The following PDE11A variants were observed in gnomAD, a reference collection of about 807,000 sequenced individuals.
The protein encoded by PDE11A is dual 3',5'-cyclic-AMP and -GMP phosphodiesterase 11A.
In PDE11A, 100 loss-of-function variants were observed where a neutral mutation model predicts 100.5. That is an observed-to-expected ratio of 1.00 (90% CI 0.85 to 1.18). The LOEUF (loss-of-function observed/expected upper bound fraction) is 1.18. Among genes scored for constraint, PDE11A ranks in the 50% most tolerant of loss-of-function variants. PDE11A has a pLI of 0.00. For synonymous variants in PDE11A, 381 were observed against 420.8 expected, an observed-to-expected ratio of 0.91 and a Z score of 1.16; for missense variants, 1,141 against 1,152.6, an observed-to-expected ratio of 0.99 and a Z score of 0.15.
chr2:177,845,414 C>T (rs2083574050), intron 5 of PDE11A, among the ~76,000 whole-genome samples: 1 of 150,700 alleles, frequency 6.6e-6, no homozygotes, highest in Non-Finnish European at 1.5e-5. Flanking sequence ...CAGAGGCGCT[C>T]CCCACATCTC....
At chr2:177,871,905 C>A (rs1481958987) in intron 5 of PDE11A, among the ~76,000 whole-genome samples, 1 of 152,110 alleles carries the variant, frequency 6.6e-6, no homozygotes, top group Non-Finnish European at 1.5e-5. Flanking sequence ...TCAAGGATGG[C>A]TTTTACAAGG....
intron 1 of PDE11A, among the ~76,000 whole-genome samples, chr2:178,052,381 T>TA (rs1384280053): frequency 6.6e-6 from 1 of 152,202 alleles, no homozygotes; most frequent in African/African-American, 2.4e-5. Context: ...GAGGGAAATT[T>TA]ATAGCACTAA....
chr2:177,923,447 C>T (rs1008621397), intron 2 of PDE11A, among the ~76,000 whole-genome samples: 3 of 152,128 alleles, frequency 2.0e-5, no homozygotes, highest in Non-Finnish European at 4.4e-5. Flanking sequence ...TGAATAAGAC[C>T]TTGAATGAGG....
At chr2:178,074,163 T>C (rs2087174665), upstream of PDE11A, among the ~76,000 whole-genome samples, 1 of 152,040 alleles carries the variant, frequency 6.6e-6, no homozygotes. Flanking sequence ...GTAAGAAATG[T>C]CCAGAATAGG....
At chr2:177,880,631 G>T (rs1198600636) in intron 4 of PDE11A, among the ~76,000 whole-genome samples, 1 of 152,084 alleles carries the variant, frequency 6.6e-6, no homozygotes, top group Non-Finnish European at 1.5e-5. Context: ...CATGGTCTTG[G>T]GAACTCCAAA....
intron 15 of PDE11A, among the ~76,000 whole-genome samples, chr2:177,689,008 GA>G (rs774929887): frequency 2.0e-5 from 3 of 152,166 alleles, no homozygotes; most frequent in Non-Finnish European, 2.9e-5. Context: ...TGAATCTACT[GA>G]AAGTCCATAA....
chr2:177,786,230 T>C (rs1196829441), intron 9 of PDE11A, among the ~76,000 whole-genome samples: 1 of 152,140 alleles, frequency 6.6e-6, no homozygotes, highest in African/African-American at 2.4e-5. Flanking sequence ...TCGCGGTTCA[T>C]GAAAATCCGC....
At chr2:178,043,430 C>G (rs747320091) in intron 1 of PDE11A, among the ~76,000 whole-genome samples, 26 of 152,152 alleles carry the variant, frequency 1.7e-4, no homozygotes, top group Non-Finnish European at 8.8e-5. Context: ...ACAACATAAT[C>G]TGGTTTTGCA....
intron 1 of PDE11A, among the ~76,000 whole-genome samples, chr2:178,058,200 C>T (rs1288721435): frequency 6.6e-6 from 1 of 152,196 alleles, no homozygotes; most frequent in Non-Finnish European, 1.5e-5. Context: ...CTAATCTGAC[C>T]TTGTAACCCA....
intron 9 of PDE11A, among the ~76,000 whole-genome samples, chr2:177,779,595 C>T (rs2082424502): frequency 6.6e-6 from 1 of 152,226 alleles, no homozygotes; most frequent in Non-Finnish European, 1.5e-5. Flanking sequence ...AAACCACTTT[C>T]TTTGTTCATT....
chr2:177,885,964 G>T (rs1042949703), intron 4 of PDE11A, among the ~76,000 whole-genome samples: 2 of 152,152 alleles, frequency 1.3e-5, no homozygotes, highest in Non-Finnish European at 2.9e-5. Context: ...CAACGAAATA[G>T]CTGCCAGCCA....
chr2:177,680,420 G>A (rs982645854), intron 16 of PDE11A, among the ~76,000 whole-genome samples: 6 of 152,060 alleles, frequency 3.9e-5, no homozygotes, highest in African/African-American at 1.4e-4. Flanking sequence ...GTTCTGACTG[G>A]TTTTCTATCC....
chr2:178,005,332 A>G (rs2086194299), intron 2 of PDE11A, among the ~76,000 whole-genome samples: 1 of 152,080 alleles, frequency 6.6e-6, no homozygotes, highest in Non-Finnish European at 1.5e-5. Context: ...TACAGAAAAA[A>G]ATTGAATAAT....
chr2:177,776,346 A>C (rs1261643322), intron 9 of PDE11A, among the ~76,000 whole-genome samples: 2 of 152,206 alleles, frequency 1.3e-5, no homozygotes, highest in African/African-American at 4.8e-5. Context: ...TACATGCTCC[A>C]AATTAAGAAG....
chr2:177,938,927 A>G (rs1369743701), intron 2 of PDE11A, among the ~76,000 whole-genome samples: 3 of 152,228 alleles, frequency 2.0e-5, no homozygotes, highest in African/African-American at 7.2e-5. Context: ...ACAGGTACAG[A>G]AGGAAAACAA....
intron 1 of PDE11A, 100 bp from the exon 2 acceptor site, chr2:178,014,560 C>T: frequency 1.1e-6 from 1 of 876,860 alleles, no homozygotes; most frequent in South Asian, 1.4e-5. Context: ...TCACTGGGAA[C>T]TAGCCCCATG....
intron 9 of PDE11A, among the ~76,000 whole-genome samples, chr2:177,779,385 C>T (rs1348968737): frequency 6.6e-6 from 1 of 152,124 alleles, no homozygotes; most frequent in Non-Finnish European, 1.5e-5. Context: ...TTAACTCTTC[C>T]TTTCATGAAA....
At chr2:177,755,443 C>A (rs1289970129) in intron 10 of PDE11A, among the ~76,000 whole-genome samples, 2 of 152,150 alleles carry the variant, frequency 1.3e-5, no homozygotes, top group East Asian at 3.8e-4. Context: ...TGCCTGCCTG[C>A]CATAAAAGAG....
At position 177,747,222 on chromosome 2, in the gene PDE11A, A is replaced by T. The variant is rs186765471; in HGVS notation, c.1789-19050T>A. Among the ~76,000 whole-genome samples, 15 of 152,330 alleles carry T rather than the reference A, an allele frequency of 9.8e-5. No individual in the cohort carries two copies. The East Asian group carries it at 1.7e-3, about 18-fold the overall frequency. On this transcript the variant is annotated intron_variant, in intron 10 of 19. Coordinates refer to ENST00000286063, the MANE Select transcript of PDE11A (RefSeq NM_016953.4). ...AGTAAAGAACAACTTGAAAAGCATC[A>T]ATGATTTTGTCAGGGACCTGCTTCA...
Sources: allele counts gnomAD v4.1 joint callset (sites outside exome capture counted in the v4.1 genomes callset), GRCh38; gene constraint gnomAD v4.1.1; transcripts MANE v1.5; gene names NCBI Gene and HGNC (gene_info 2026-07-23, HGNC 2026-07-21).